HUNK: variants seen among roughly 807,000 people sequenced by gnomAD.
HUNK encodes hormonally up-regulated neu tumor-associated kinase.
HUNK carries 21 observed loss-of-function variants against 61.0 expected under a neutral mutation model. That is an observed-to-expected ratio of 0.34 (90% confidence interval 0.24 to 0.50). The LOEUF is 0.50. HUNK is among the 20% of genes least tolerant of loss of function. The pLI is 0.98. For synonymous variants in HUNK, 371 were observed against 386.1 expected, an observed-to-expected ratio of 0.96 and a Z score of 0.46; for missense variants, 772 against 945.7, an observed-to-expected ratio of 0.82 and a Z score of 2.41.
chr21:32,000,662 CAA>C lies in HUNK; in HGVS notation c.*1479_*1480del. 2.5e-6 allele frequency: 1 copy of C among 399,014 alleles called. No individual in the cohort carries two copies. Among genetic ancestry groups the C allele is most frequent in the East Asian group, 3.6e-5 (1 of 28,072 alleles). The allele number at this position is 399,014 out of a possible 1,614,324, so 24.7% of individuals were successfully genotyped here. ...GCCACCTCAGATAGTCATCTCAGTC[CAA>C]GGATCCCAAAACACAAATCTAGAAT... On this transcript the variant is annotated 3_prime_UTR_variant, in exon 11 of 11. Coordinates refer to ENST00000270112, the MANE Select transcript of HUNK (RefSeq NM_014586.2).
rs146734481 is a variant in HUNK at position 31,924,266 on chromosome 21, A to ATG, written c.262-184_262-183dup. 3.7e-3 allele frequency among the ~76,000 whole-genome samples: 297 copies of ATG among 81,350 alleles called. 1 individual carries two copies. The highest frequency in any genetic ancestry group is 9.1e-3 in the Admixed American group (89 of 9,826). The allele number at this position is 81,350 out of a possible 152,430, so 53.4% of individuals were successfully genotyped here. On this transcript the variant is annotated intron_variant, in intron 1 of 10. Transcript: ENST00000270112. This position sits in a 1 kb window ranked among gnomAD's most constrained non-coding sequence, Gnocchi z 5.1. ...TGATTTTTCCTAATGTTGTACCTAT[A>ATG]TGTGTGTGTGTGTGTGTGTTTGTGT...
In HUNK at chr21:31,958,969, A is replaced by G; in HGVS notation, c.873A>G (p.Thr291=). ...ACCCCCTCCCCACTCAGCTCTCCACAGGTAATGCACCAGCTGCTCTAGATC... is the reference window on the plus strand; with the variant it reads ...ACCCCCTCCCCACTCAGCTCTCCACGGGTAATGCACCAGCTGCTCTAGATC... ...EMNPLPTQLS[T]GAISFLRSLL... is the part of the protein sequence containing the mutation. The change falls in exon 5 of 11, where the codon ACA becomes ACG. Residue 291 remains threonine (T), a splice_region_variant and synonymous_variant. Coordinates refer to ENST00000270112, the MANE Select transcript of HUNK (RefSeq NM_014586.2). The G allele has an allele frequency of 6.3e-7, 1 of 1,599,242 alleles. No individual in the cohort carries two copies. Among genetic ancestry groups the G allele is most frequent in the Non-Finnish European group, 8.5e-7 (1 of 1,174,118 alleles).
At chr21:31,880,209 G>A (rs1406029773) in intron 1 of HUNK, among the ~76,000 whole-genome samples, 2 of 152,196 alleles carry the variant, frequency 1.3e-5, no homozygotes, top group East Asian at 3.9e-4. Context: ...CCTGGTGGAG[G>A]GGGTAACAGC....
At chr21:31,987,090 G>C (rs185444423) in intron 8 of HUNK, among the ~76,000 whole-genome samples, 1 of 152,302 alleles carries the variant, frequency 6.6e-6, no homozygotes, top group East Asian at 1.9e-4. Context: ...AAGATCAAGT[G>C]GGCCCTGATC....
In HUNK at chr21:32,001,116, T is replaced by TAA. The variant is rs1205293783; in HGVS notation, c.*1933_*1934insAA. On this transcript the variant is annotated 3_prime_UTR_variant, in exon 11 of 11. Coordinates refer to ENST00000270112, the MANE Select transcript of HUNK (RefSeq NM_014586.2). ...GTGAAAGCCCGTCTCTACCGAAAAA[T>TAA]ACAAAAAAAAATAGCTGGGTGTGGT... 1.0e-5 allele frequency: 1 copy of TAA among 98,178 alleles called. No homozygotes were observed. The highest frequency in any genetic ancestry group is 2.2e-5 in the Non-Finnish European group (1 of 45,532). 6.1% of individuals were successfully genotyped at this position (98,178 alleles called of 1,614,324 possible).
intron 2 of HUNK, among the ~76,000 whole-genome samples, chr21:31,929,668 A>G (rs902406364): frequency 6.6e-6 from 1 of 152,254 alleles, no homozygotes; most frequent in Non-Finnish European, 1.5e-5. Context: ...CTAAGCAGGA[A>G]GAGAAAAGCC....
chr21:31,968,518 C>T, intron 6 of HUNK, 133 bp downstream of exon 6: 3 of 990,452 alleles, frequency 3.0e-6, no homozygotes, highest in Admixed American at 2.4e-5. Flanking sequence ...TCCCCTTCCC[C>T]CTAACACCCA....
intron 1 of HUNK, among the ~76,000 whole-genome samples, chr21:31,921,280 C>A (rs754967911): frequency 2.0e-5 from 3 of 150,000 alleles, no homozygotes; most frequent in Admixed American, 6.7e-5. Flanking sequence ...TAGTCACTTG[C>A]TGTTTATGAA....
At chr21:31,947,114 T>TA (rs1285508851) in intron 4 of HUNK, among the ~76,000 whole-genome samples, 40 of 148,014 alleles carry the variant, frequency 2.7e-4, no homozygotes, top group African/African-American at 9.9e-4. Context: ...CAGTGGCGCC[T>TA]ATGCATTCCC....
At chr21:31,960,212 A>G (rs971574395) in intron 5 of HUNK, among the ~76,000 whole-genome samples, 1 of 152,198 alleles carries the variant, frequency 6.6e-6, no homozygotes, top group African/African-American at 2.4e-5. Flanking sequence ...GGTGTGTTCT[A>G]GATTAAGCAA....
rs547197777 is a variant in HUNK, at chr21:31,960,667, G to A, written c.874+1697G>A. Among the ~76,000 whole-genome samples, 28 of 152,192 alleles carry A rather than the reference G, an allele frequency of 1.8e-4. 1 individual carries two copies. Among genetic ancestry groups the A allele is most frequent in the Non-Finnish European group, 3.7e-4 (25 of 68,036 alleles). On this transcript the variant is annotated intron_variant, in intron 5 of 10. Transcript: ENST00000270112. ...ATCTTAGATGGTGGCAGGGAAGAGC[G>A]CTTGTGCAGGGGAAATCCTATTTAT...
intron 2 of HUNK, among the ~76,000 whole-genome samples, chr21:31,938,414 T>A (rs1048744348): frequency 2.0e-5 from 3 of 152,176 alleles, no homozygotes; most frequent in Admixed American, 1.3e-4. Context: ...AAAATTGAGA[T>A]CAAATCCAGA....
chr21:31,917,705 C>T (rs1228764320), intron 1 of HUNK, among the ~76,000 whole-genome samples: 1 of 108,100 alleles, frequency 9.3e-6, no homozygotes, highest in African/African-American at 5.1e-5. Context: ...TACACACACA[C>T]ACACACACAC....
chr21:31,879,435 A>T (rs963053709), intron 1 of HUNK, among the ~76,000 whole-genome samples: 1 of 152,100 alleles, frequency 6.6e-6, no homozygotes, highest in Non-Finnish European at 1.5e-5. Context: ...CATCTTTTTG[A>T]AGTACTTGTG....
At chr21:31,974,322 CAA>C (rs113469359) in intron 6 of HUNK, 26 of 325,460 alleles carry the variant, frequency 8.0e-5, no homozygotes, top group South Asian at 1.1e-4. Context: ...AATACTTCAG[CAA>C]AAAAAAAATG....
intron 8 of HUNK, among the ~76,000 whole-genome samples, chr21:31,985,916 C>T (rs1483055866): frequency 6.6e-6 from 1 of 152,138 alleles, no homozygotes; most frequent in East Asian, 1.9e-4. Context: ...GAATGGTGGG[C>T]CTTAGCCTTG....
intron 1 of HUNK, among the ~76,000 whole-genome samples, chr21:31,888,141 T>C (rs899756585): frequency 2.6e-4 from 39 of 152,044 alleles, no homozygotes; most frequent in Admixed American, 2.6e-3. Flanking sequence ...ATGTAGGAAG[T>C]CTTGGATTTG....
At chr21:31,889,517 G>C (rs2052371641) in intron 1 of HUNK, among the ~76,000 whole-genome samples, 1 of 152,172 alleles carries the variant, frequency 6.6e-6, no homozygotes, top group Admixed American at 6.6e-5. Flanking sequence ...AGAGAAACTA[G>C]TCGATGACTC....
intron 10 of HUNK, among the ~76,000 whole-genome samples, chr21:31,997,581 AG>A (rs1206220926): frequency 6.6e-6 from 1 of 152,202 alleles, no homozygotes; most frequent in Non-Finnish European, 1.5e-5. Flanking sequence ...TGGGGGTTTC[AG>A]AGAATGGGGA....
Sources: allele counts gnomAD v4.1 joint callset (sites outside exome capture counted in the v4.1 genomes callset), GRCh38; gene constraint gnomAD v4.1.1; non-coding constraint Gnocchi (gnomAD v3.1); transcripts MANE v1.5; gene names NCBI Gene and HGNC (gene_info 2026-07-23, HGNC 2026-07-21).